RALA: variants seen among roughly 807,000 people sequenced by gnomAD.
RALA encodes ras-related protein Ral-A.
Under a neutral mutation model 24.0 loss-of-function variants are expected in RALA, and 5 were observed. The ratio of observed to expected loss-of-function variants is 0.21; its 90% CI spans 0.11 to 0.44. RALA has a LOEUF of 0.44. Among genes scored for constraint, RALA ranks in the 20% least tolerant of loss-of-function variants. The pLI is 0.99. For missense variants in RALA, 95 were observed against 241.2 expected, an observed-to-expected ratio of 0.39 and a Z score of 4.01; for synonymous variants, 77 against 83.8, an observed-to-expected ratio of 0.92 and a Z score of 0.44.
intron 1 of RALA, among the ~76,000 whole-genome samples, chr7:39,684,740 G>T (rs1792668869): frequency 6.8e-6 from 1 of 147,800 alleles, no homozygotes; most frequent in Admixed American, 6.7e-5. Context: ...AAAAAAAAAA[G>T]TTGCATAATG....
At chr7:39,635,458 A>G (rs1205612715) in intron 1 of RALA, among the ~76,000 whole-genome samples, 3 of 152,190 alleles carry the variant, frequency 2.0e-5, no homozygotes, top group African/African-American at 7.2e-5. Context: ...GAACATTTTC[A>G]TTACTTTCAA....
chr7:39,626,023 T>C (rs1320488059), intron 1 of RALA, among the ~76,000 whole-genome samples: 1 of 152,130 alleles, frequency 6.6e-6, no homozygotes, highest in Non-Finnish European at 1.5e-5. Context: ...AGGCTGTGAA[T>C]GTTAATGAGG....
intron 1 of RALA, among the ~76,000 whole-genome samples, chr7:39,655,362 GAAGA>G (rs1363728856): frequency 2.0e-5 from 3 of 152,198 alleles, no homozygotes; most frequent in African/African-American, 7.2e-5. Context: ...ATGTGAAACT[GAAGA>G]AAGTACTAAC....
chr7:39,654,594 A>G (rs1202237459), intron 1 of RALA, among the ~76,000 whole-genome samples: 1 of 152,218 alleles, frequency 6.6e-6, no homozygotes, highest in Non-Finnish European at 1.5e-5. Context: ...TTGACATTGT[A>G]TCTAGGAAAT....
At chr7:39,666,710 C>T (rs1388978667) in intron 1 of RALA, among the ~76,000 whole-genome samples, 2 of 152,108 alleles carry the variant, frequency 1.3e-5, no homozygotes, top group African/African-American at 4.8e-5. Flanking sequence ...CGCTGTTACT[C>T]CTTAAAAAGA....
intron 4 of RALA, chr7:39,700,281 C>G (rs1013229224): frequency 2.0e-5 from 3 of 152,240 alleles, no homozygotes; most frequent in African/African-American, 4.8e-5. Context: ...TGGCTTGGCT[C>G]TGCTCTACAG....
At chr7:39,687,726 G>C (rs1392139127) in intron 2 of RALA, among the ~76,000 whole-genome samples, 1 of 152,150 alleles carries the variant, frequency 6.6e-6, no homozygotes, top group East Asian at 1.9e-4. Context: ...CAAAAGCCAG[G>C]TTTTATGGTT....
intron 1 of RALA, among the ~76,000 whole-genome samples, chr7:39,636,485 A>G (rs896690271): frequency 2.0e-5 from 3 of 152,196 alleles, no homozygotes; most frequent in Non-Finnish European, 4.4e-5. Context: ...ATATTTTAGC[A>G]TATCGTGTAT....
chr7:39,685,039 G>A (rs575515746), intron 1 of RALA, among the ~76,000 whole-genome samples: 7 of 150,976 alleles, frequency 4.6e-5, no homozygotes, highest in African/African-American at 7.4e-5. Flanking sequence ...AAGTAATTGC[G>A]GTTTTGCCAT....
chr7:39,628,174 A>G (rs1791526829), intron 1 of RALA, among the ~76,000 whole-genome samples: 1 of 151,858 alleles, frequency 6.6e-6, no homozygotes, highest in Non-Finnish European at 1.5e-5. Context: ...TTAGGTTATA[A>G]TTCTCCAAAA....
chr7:39,668,679 T>C (rs1417514356), intron 1 of RALA, among the ~76,000 whole-genome samples: 1 of 149,862 alleles, frequency 6.7e-6, no homozygotes, highest in Non-Finnish European at 1.5e-5. Context: ...ATGCCTGTAA[T>C]CCCAGCTACT....
intron 1 of RALA, among the ~76,000 whole-genome samples, chr7:39,675,470 C>T (rs980010690): frequency 1.3e-5 from 2 of 152,296 alleles, no homozygotes; most frequent in Middle Eastern, 3.4e-3. Context: ...GGCACAGTGG[C>T]TCAGCCCGTA....
intron 1 of RALA, among the ~76,000 whole-genome samples, chr7:39,641,173 A>C (rs2115942238): frequency 6.6e-6 from 1 of 152,272 alleles, no homozygotes; most frequent in South Asian, 2.1e-4. Context: ...GACAAATCAT[A>C]TGTCTACTTC....
At chr7:39,702,543 C>T (rs1793047231) in intron 4 of RALA, among the ~76,000 whole-genome samples, 2 of 152,140 alleles carry the variant, frequency 1.3e-5, no homozygotes, top group Non-Finnish European at 2.9e-5. Flanking sequence ...CATAATTCAG[C>T]CATTTTCCTA....
chr7:39,682,022 T>C (rs1043417454), intron 1 of RALA, among the ~76,000 whole-genome samples: 2 of 152,238 alleles, frequency 1.3e-5, no homozygotes, highest in African/African-American at 4.8e-5. Flanking sequence ...TTCTTCAAAA[T>C]GTATTCCAAA....
intron 1 of RALA, among the ~76,000 whole-genome samples, chr7:39,629,581 G>A (rs11769865): frequency 0.57 from 84,983 of 150,394 alleles, 24,325 homozygotes; most frequent in Non-Finnish European, 0.61. Context: ...CGCCTAGCAC[G>A]TTTTTGTATG....
intron 1 of RALA, among the ~76,000 whole-genome samples, chr7:39,630,801 A>T (rs1174611383): frequency 1.3e-5 from 2 of 152,094 alleles, no homozygotes. Flanking sequence ...GCAGTTGGGT[A>T]TATTTTTTTT....
intron 3 of RALA, among the ~76,000 whole-genome samples, chr7:39,695,223 C>T (rs1387352364): frequency 6.6e-6 from 1 of 152,108 alleles, no homozygotes. Flanking sequence ...TGGATACCGA[C>T]ATTCATGGAT....
intron 1 of RALA, among the ~76,000 whole-genome samples, chr7:39,672,960 G>A (rs1056750965): frequency 6.6e-6 from 1 of 152,170 alleles, no homozygotes; most frequent in African/African-American, 2.4e-5. Context: ...TTTATTGTAT[G>A]TAAATCAACC....
Sources: gnomAD v4.1 joint callset for allele counts (sites outside exome capture counted in the v4.1 genomes callset) on GRCh38, gnomAD v4.1.1 for gene constraint, MANE v1.5 for transcripts, NCBI Gene and HGNC (gene_info 2026-07-23, HGNC 2026-07-21) for gene names.